The following HACD3 variants were observed in gnomAD, a reference collection of about 807,000 sequenced individuals.
HACD3 encodes the protein very-long-chain (3R)-3-hydroxyacyl-CoA dehydratase 3.
A neutral mutation model predicts 55.2 loss-of-function variants in HACD3; 30 were observed. The ratio of observed to expected loss-of-function variants is 0.54; its 90% CI spans 0.41 to 0.74. The LOEUF is 0.74. Ranked by LOEUF, HACD3 falls within the 30% of genes least tolerant of loss-of-function variation. The pLI is 0.00. For synonymous variants in HACD3, 141 were observed against 151.7 expected (o/e 0.93, Z 0.52); for missense variants, 363 against 440.1 (o/e 0.82, Z 1.57).
At chr15:65,572,177 C>T (rs1312530315) in intron 9 of HACD3, 58 bp from the exon 10 acceptor site, 1 of 1,595,842 alleles carries the variant, frequency 6.3e-7, no homozygotes, top group Non-Finnish European at 8.5e-7. Context: ...CTGGAAGTTC[C>T]TGTCATTAAA....
chr15:65,573,925 A>G (rs980960706), intron 10 of HACD3, among the ~76,000 whole-genome samples: 1 of 152,206 alleles, frequency 6.6e-6, no homozygotes, highest in Non-Finnish European at 1.5e-5. Flanking sequence ...CAAGCTCCTA[A>G]CTATAAGGAC....
At chr15:65,540,384 A>C (rs2072008651) in intron 1 of HACD3, among the ~76,000 whole-genome samples, 1 of 152,244 alleles carries the variant, frequency 6.6e-6, no homozygotes, top group Non-Finnish European at 1.5e-5. Context: ...ATAAAGTGCT[A>C]TGAGGGAAAT....
At chr15:65,569,075 G>A (rs1232935960) in intron 7 of HACD3, among the ~76,000 whole-genome samples, 2 of 151,682 alleles carry the variant, frequency 1.3e-5, no homozygotes, top group African/African-American at 4.8e-5. Flanking sequence ...GTGAAACCCC[G>A]TCTCTACTAA....
chr15:65,562,893 G>A lies in HACD3; in HGVS notation c.532+9G>A, dbSNP rs576306952. On this transcript the variant is annotated intron_variant, in intron 6 of 10. Coordinates refer to ENST00000261875, the MANE Select transcript of HACD3 (RefSeq NM_016395.4). ...CTGTATCTTGGGAAAAGGCAAGTAA[G>A]ACATTTTTGGATTAATTTTCCCTTT... 1.2e-5 allele frequency: 19 copies of A among 1,613,400 alleles called. No individual in the cohort carries two copies. The highest frequency in any genetic ancestry group is 3.3e-5 in the Admixed American group (2 of 59,936).
At chr15:65,558,381 G>A (rs1596213568) in intron 4 of HACD3, among the ~76,000 whole-genome samples, 1 of 152,132 alleles carries the variant, frequency 6.6e-6, no homozygotes, top group Non-Finnish European at 1.5e-5. Context: ...CTCTGACTGC[G>A]ACAGATCTTC....
chr15:65,538,055 A>G (rs1249387713), intron 1 of HACD3, among the ~76,000 whole-genome samples: 1 of 149,598 alleles, frequency 6.7e-6, no homozygotes, highest in Non-Finnish European at 1.5e-5. Context: ...GTCCCACCCA[A>G]GAGTGCTGAT....
chr15:65,540,642 G>A (rs1212863852), intron 1 of HACD3, among the ~76,000 whole-genome samples: 1 of 152,178 alleles, frequency 6.6e-6, no homozygotes, highest in Non-Finnish European at 1.5e-5. Context: ...AAGTTAGAGG[G>A]AGATGAGGAT....
At chr15:65,548,181 C>G (rs764343340) in intron 1 of HACD3, among the ~76,000 whole-genome samples, 6 of 152,138 alleles carry the variant, frequency 3.9e-5, no homozygotes. Context: ...TTAATCCTTA[C>G]AGCAGACCTG....
chr15:65,541,886 T>C (rs1182125696), intron 1 of HACD3, among the ~76,000 whole-genome samples: 1 of 152,014 alleles, frequency 6.6e-6, no homozygotes, highest in Non-Finnish European at 1.5e-5. Flanking sequence ...GCAAGATGTA[T>C]AAGAATGTAT....
chr15:65,542,479 G>T (rs1476670857), intron 1 of HACD3, among the ~76,000 whole-genome samples: 1 of 151,970 alleles, frequency 6.6e-6, no homozygotes, highest in Non-Finnish European at 1.5e-5. Context: ...GCCCAGGCTG[G>T]TTTTGAACTC....
At position 65,571,672 on chromosome 15, in the gene HACD3, T is replaced by C. The variant is rs376970034; in HGVS notation, c.880+18T>C. On this transcript the variant is annotated intron_variant, in intron 9 of 10. Coordinates refer to ENST00000261875, the MANE Select transcript of HACD3 (RefSeq NM_016395.4). ...GGCGGAAGGTACTCTCAGGGACTCT[T>C]AGCTTTCATAGCTTAGCTCCAGGGG... The C allele has an allele frequency of 7.5e-5, 118 of 1,567,318 alleles. 2 individuals are homozygous for C. In the Middle Eastern group the frequency reaches 1.0e-3, roughly 13 times the overall value.
intron 1 of HACD3, among the ~76,000 whole-genome samples, chr15:65,546,145 C>T (rs1464103462): frequency 6.6e-6 from 1 of 152,192 alleles, no homozygotes; most frequent in Admixed American, 6.5e-5. Flanking sequence ...ACTATAGCCC[C>T]AGCCAACATC....
At chr15:65,555,052 A>C in intron 3 of HACD3, 92 bp downstream of exon 3, 1 of 1,041,762 alleles carries the variant, frequency 9.6e-7, no homozygotes, top group South Asian at 1.4e-5. Flanking sequence ...TGGAGAGAAG[A>C]AGATAAAAAC....
intron 9 of HACD3, 30 bp downstream of exon 9, chr15:65,571,684 C>A: frequency 6.5e-7 from 1 of 1,544,144 alleles, no homozygotes; most frequent in Non-Finnish European, 8.9e-7. Context: ...GCTTTCATAG[C>A]TTAGCTCCAG....
intron 7 of HACD3, among the ~76,000 whole-genome samples, chr15:65,569,252 A>G (rs2072324992): frequency 6.6e-6 from 1 of 151,612 alleles, no homozygotes; most frequent in East Asian, 1.9e-4. Flanking sequence ...TGTCTCAAAA[A>G]AAAAAAAAAC....
chr15:65,532,795 A>G (rs1555482271), intron 1 of HACD3, among the ~76,000 whole-genome samples: 1 of 152,166 alleles, frequency 6.6e-6, no homozygotes. Flanking sequence ...TACCCTCATA[A>G]AAGAGTGTTT....
At chr15:65,541,330 G>A (rs564798586) in intron 1 of HACD3, among the ~76,000 whole-genome samples, 16 of 152,154 alleles carry the variant, frequency 1.1e-4, no homozygotes, top group Non-Finnish European at 1.5e-4. Flanking sequence ...TTATTACTTT[G>A]AGTATTTTTA....
chr15:65,562,531 C>G (rs767427832), intron 5 of HACD3, among the ~76,000 whole-genome samples: 1 of 151,964 alleles, frequency 6.6e-6, no homozygotes, highest in Non-Finnish European at 1.5e-5. Flanking sequence ...GTCTGTATAC[C>G]TATTCTTCAA....
Position 65,564,246 on chromosome 15 carries a change from T to A in HACD3, c.564T>A (p.Ala188=), listed in dbSNP as rs2072270601. 6.2e-7 allele frequency: 1 copy of A among 1,613,828 alleles called. No individual in the cohort carries two copies. The highest frequency in any genetic ancestry group is 1.7e-4 in the Middle Eastern group (1 of 6,060). ...TTTATGACACATTCCATACTGTGGCTGACATGATGTATTTCTGCCAGATGC... is the reference window on the plus strand; with the variant it reads ...TTTATGACACATTCCATACTGTGGCAGACATGATGTATTTCTGCCAGATGC... ...ESFYDTFHTV[A]DMMYFCQMLA... Residue 188 remains alanine, a synonymous_variant, in exon 7 of 11, where the codon GCT becomes GCA. Coordinates refer to ENST00000261875, the MANE Select transcript of HACD3 (RefSeq NM_016395.4).
Sources: allele counts gnomAD v4.1 joint callset (sites outside exome capture counted in the v4.1 genomes callset), GRCh38; gene constraint gnomAD v4.1.1; transcripts MANE v1.5; gene names NCBI Gene and HGNC (gene_info 2026-07-23, HGNC 2026-07-21).